The following PAXBP1 variants were observed in gnomAD, a reference collection of about 807,000 sequenced individuals.
The protein encoded by PAXBP1 is PAX3 and PAX7 binding protein 1.
PAXBP1 carries 44 observed loss-of-function variants against 119.9 expected under a neutral mutation model. The ratio of observed to expected loss-of-function variants is 0.37; its 90% CI spans 0.29 to 0.47. PAXBP1 has a LOEUF of 0.47. Among genes scored for constraint, PAXBP1 ranks in the 20% least tolerant of loss-of-function variants. The probability of loss-of-function intolerance (pLI) is 0.99; values close to 1 mark genes in which losing one functional copy is unlikely to be tolerated. For synonymous variants in PAXBP1, 393 were observed against 406.6 expected (o/e 0.97, Z 0.40); for missense variants, 898 against 1,134.1 (o/e 0.79, Z 2.99).
At chr21:32,760,535 T>G (rs993039835) in intron 5 of PAXBP1, among the ~76,000 whole-genome samples, 1 of 152,262 alleles carries the variant, frequency 6.6e-6, no homozygotes, top group African/African-American at 2.4e-5. Context: ...TTTTTTGTAT[T>G]ATTGAGAAAT....
In PAXBP1 at chr21:32,743,301, T is replaced by C. The variant is rs1191936032; in HGVS notation, c.2281A>G (p.Lys761Glu). 1 of 1,572,160 alleles carries C rather than the reference T, an allele frequency of 6.4e-7. No individual in the cohort carries two copies. Among genetic ancestry groups the C allele is most frequent in the South Asian group, 1.2e-5 (1 of 83,316 alleles). ...PLYPKNVLENKNSGPYLFFQR... is the reference protein window; with the variant it reads ...PLYPKNVLENENSGPYLFFQR... ...AAAAACAAGTAAGGCCCAGAATTTTTATTTTCTAAGACACTAAGTAAAAAA... is the reference window on the plus strand; with the variant it reads ...AAAAACAAGTAAGGCCCAGAATTTTCATTTTCTAAGACACTAAGTAAAAAA... The change falls in exon 15 of 18, where the codon AAA becomes GAA. Residue 761 changes from lysine (K) to glutamate (E), a missense_variant. Lys to Glu is a moderately conservative substitution (Grantham distance 56, BLOSUM62 1). Coordinates refer to ENST00000331923, the MANE Select transcript of PAXBP1 (RefSeq NM_016631.4).
intron 14 of PAXBP1, 146 bp from the exon 15 acceptor site, chr21:32,743,460 G>A: frequency 2.8e-6 from 2 of 703,292 alleles, no homozygotes; most frequent in South Asian, 2.0e-5. Flanking sequence ...AAGATAGTAT[G>A]TTAAAAAGGC....
At chr21:32,761,233 C>T in intron 4 of PAXBP1, 71 bp from the exon 5 acceptor site, 1 of 1,167,922 alleles carries the variant, frequency 8.6e-7, no homozygotes, top group Non-Finnish European at 1.3e-6. Context: ...GCTGTCCTGA[C>T]ATTTCACAAG....
chr21:32,767,077 C>A (rs1176200428), intron 2 of PAXBP1, among the ~76,000 whole-genome samples: 1 of 152,144 alleles, frequency 6.6e-6, no homozygotes, highest in Admixed American at 6.5e-5. Flanking sequence ...TTCCATTCAC[C>A]TTTAATTATC....
chr21:32,765,372 G>A (rs970252203), intron 2 of PAXBP1, among the ~76,000 whole-genome samples: 1 of 152,092 alleles, frequency 6.6e-6, no homozygotes. Context: ...ATGATAAACT[G>A]TCCTGGTTTA....
chr21:32,736,619 G>A (rs546947469), intron 17 of PAXBP1, among the ~76,000 whole-genome samples: 1 of 152,270 alleles, frequency 6.6e-6, no homozygotes, highest in South Asian at 2.1e-4. Flanking sequence ...ATGACTAATG[G>A]TGTGATCTAA....
chr21:32,736,865 A>AC (rs1192824027), intron 17 of PAXBP1, among the ~76,000 whole-genome samples: 1 of 152,196 alleles, frequency 6.6e-6, no homozygotes, highest in East Asian at 1.9e-4. Context: ...CATGAGTGAT[A>AC]ACCTCTAGTT....
intron 17 of PAXBP1, among the ~76,000 whole-genome samples, chr21:32,736,688 T>C (rs529496611): frequency 6.8e-4 from 103 of 152,278 alleles, no homozygotes; most frequent in African/African-American, 2.4e-3. Flanking sequence ...AAAAAGACAA[T>C]TCCTTCAAAC....
intron 10 of PAXBP1, among the ~76,000 whole-genome samples, chr21:32,749,018 T>G (rs2043918657): frequency 6.6e-6 from 1 of 152,290 alleles, no homozygotes; most frequent in Non-Finnish European, 1.5e-5. Flanking sequence ...CCATAAGTAA[T>G]TGTGCCGCTA....
At chr21:32,771,257 C>T (rs1332956067) in intron 1 of PAXBP1, 69 bp downstream of exon 1, 4 of 1,374,016 alleles carry the variant, frequency 2.9e-6, no homozygotes, top group East Asian at 2.9e-5. Flanking sequence ...CCAGAGAATA[C>T]GGGGGCGGGG....
At chr21:32,737,966 G>T (rs1448105398) in intron 16 of PAXBP1, among the ~76,000 whole-genome samples, 1 of 150,258 alleles carries the variant, frequency 6.7e-6, no homozygotes, top group Non-Finnish European at 1.5e-5. Context: ...GATATAGATG[G>T]ATATATATAT....
At chr21:32,753,885 A>T (rs2044001756) in intron 8 of PAXBP1, among the ~76,000 whole-genome samples, 1 of 152,228 alleles carries the variant, frequency 6.6e-6, no homozygotes, top group East Asian at 1.9e-4. Flanking sequence ...CAGCTCACAC[A>T]AACCATCTAA....
At chr21:32,757,658 CTT>C (rs1398372258) in intron 7 of PAXBP1, among the ~76,000 whole-genome samples, 2 of 152,174 alleles carry the variant, frequency 1.3e-5, no homozygotes, top group Non-Finnish European at 2.9e-5. Context: ...TTATGAATGT[CTT>C]AATTTACTCA....
At chr21:32,769,361 G>C (rs1371659654) in intron 2 of PAXBP1, among the ~76,000 whole-genome samples, 2 of 152,004 alleles carry the variant, frequency 1.3e-5, no homozygotes, top group Admixed American at 6.6e-5. Context: ...TGCTGAATGG[G>C]AGTAATACTA....
chr21:32,763,089 TATC>T (rs1320143582), intron 3 of PAXBP1, among the ~76,000 whole-genome samples: 1 of 152,162 alleles, frequency 6.6e-6, no homozygotes, highest in Non-Finnish European at 1.5e-5. Context: ...CTATTTCTCA[TATC>T]ATAATAAGTT....
chr21:32,754,324 A>G (rs2044008518), intron 8 of PAXBP1, among the ~76,000 whole-genome samples: 1 of 152,388 alleles, frequency 6.6e-6, no homozygotes, highest in East Asian at 1.9e-4. Context: ...CACTGGGGAT[A>G]GAACCAGAAA....
At position 32,751,189 on chromosome 21, in the gene PAXBP1, A is replaced by G; in HGVS notation, c.1537T>C (p.Ser513Pro). 1 of 1,614,068 alleles carries G rather than the reference A, an allele frequency of 6.2e-7. No homozygotes were observed. The highest frequency in any genetic ancestry group is 8.5e-7 in the Non-Finnish European group (1 of 1,179,930). Residue 513 changes from serine to proline, a missense_variant, in exon 9 of 18, where the codon TCC becomes CCC. By Grantham distance (74) the Ser-to-Pro change is moderately conservative (BLOSUM62 -1). This residue lies in a region of PAXBP1 where 599 missense variants were observed against 852.7 expected (regional missense o/e 0.70). Transcript: ENST00000331923. ...NKALMAPNLD[S>P]FGRDRALYQE... ...TACAGTGCCCGATCGCGTCCAAAGG[A>G]GTCAAGATTTGGTGCCATCAGAGCT...
At chr21:32,745,761 C>T in intron 11 of PAXBP1, 43 bp from the exon 12 acceptor site, 1 of 1,606,208 alleles carries the variant, frequency 6.2e-7, no homozygotes, top group Non-Finnish European at 8.5e-7. Flanking sequence ...AAAATAGTGG[C>T]TATTTCTGCT....
At chr21:32,767,733 A>G (rs902638261) in intron 2 of PAXBP1, among the ~76,000 whole-genome samples, 10 of 152,126 alleles carry the variant, frequency 6.6e-5, no homozygotes, top group African/African-American at 1.9e-4. Context: ...ACCTCCTGCC[A>G]TGATTCTGAG....
Sources: gnomAD v4.1 joint callset for allele counts (sites outside exome capture counted in the v4.1 genomes callset) on GRCh38, gnomAD v4.1.1 for gene constraint, gnomAD v4.1.1 regional missense constraint, MANE v1.5 for transcripts, NCBI Gene and HGNC (gene_info 2026-07-23, HGNC 2026-07-21) for gene names.